Variants in ZFHX3 observed in about 807,000 individuals in gnomAD.
ZFHX3 encodes the protein zinc finger homeobox 3, also known as zinc finger homeobox protein 3.
ZFHX3 carries 42 observed loss-of-function variants against 279.1 expected under a neutral mutation model. That is an observed-to-expected ratio of 0.15 (90% CI 0.12 to 0.19). The LOEUF (loss-of-function observed/expected upper bound fraction) is 0.19. ZFHX3 is among the 10% of genes least tolerant of loss of function. The pLI is 1.00. For synonymous variants in ZFHX3, 2,293 were observed against 1,957.8 expected (o/e 1.17, Z -4.52); for missense variants, 4,981 against 4,754.0 (o/e 1.05, Z -1.40).
chr16:73,833,864 G>A (rs901478634), intron 1 of ZFHX3, among the ~76,000 whole-genome samples: 1 of 150,688 alleles, frequency 6.6e-6, no homozygotes, highest in Admixed American at 6.6e-5. Flanking sequence ...ATTGTATGAT[G>A]TGTGTGTGAT....
intron 1 of ZFHX3, among the ~76,000 whole-genome samples, chr16:73,724,258 C>T (rs77658529): frequency 6.6e-6 from 1 of 152,130 alleles, no homozygotes; most frequent in Non-Finnish European, 1.5e-5. Flanking sequence ...AATTTAAAAC[C>T]TTTACTAGTC....
At chr16:73,033,412 C>A (rs1028066722) in intron 1 of ZFHX3, among the ~76,000 whole-genome samples, 1 of 152,220 alleles carries the variant, frequency 6.6e-6, no homozygotes, top group Non-Finnish European at 1.5e-5. Context: ...CCGCCGCCCC[C>A]CAGCACTGGG....
At chr16:73,879,830 C>A (rs998765816) in intron 1 of ZFHX3, among the ~76,000 whole-genome samples, 1 of 152,052 alleles carries the variant, frequency 6.6e-6, no homozygotes, top group South Asian at 2.1e-4. Context: ...CGCACCCACA[C>A]ACACACACAC....
chr16:73,046,309 A>G (rs1965299389), intron 1 of ZFHX3, among the ~76,000 whole-genome samples: 1 of 152,204 alleles, frequency 6.6e-6, no homozygotes, highest in Non-Finnish European at 1.5e-5. Context: ...GAGTAGCAAG[A>G]GGGATTCAGA....
At chr16:73,500,663 T>TA (rs35306584) in intron 2 of ZFHX3, among the ~76,000 whole-genome samples, 35,913 of 71,240 alleles carry the variant, frequency 0.5, 7,036 homozygotes, top group East Asian at 0.65. Context: ...TTTAAAGAGT[T>TA]AAAAAAAAAA....
chr16:73,769,608 A>C (rs1365816083), intron 1 of ZFHX3, among the ~76,000 whole-genome samples: 1 of 152,184 alleles, frequency 6.6e-6, no homozygotes, highest in African/African-American at 2.4e-5. Flanking sequence ...CCAAAAACCT[A>C]TTACAGCTAA....
At chr16:72,855,120 C>T (rs553304501) in intron 4 of ZFHX3, among the ~76,000 whole-genome samples, 3 of 152,342 alleles carry the variant, frequency 2.0e-5, no homozygotes, top group Admixed American at 6.5e-5. Flanking sequence ...TCCCCATCTT[C>T]AACCTCTCCC....
intron 3 of ZFHX3, among the ~76,000 whole-genome samples, chr16:73,320,237 T>A (rs999596384): frequency 1.3e-5 from 2 of 152,214 alleles, no homozygotes; most frequent in African/African-American, 4.8e-5. Flanking sequence ...CCCATCAGAC[T>A]AATGACCCCT....
chr16:73,405,411 C>T (rs2017339836), intron 3 of ZFHX3, among the ~76,000 whole-genome samples: 1 of 152,088 alleles, frequency 6.6e-6, no homozygotes, highest in African/African-American at 2.4e-5. Flanking sequence ...AAACAGAACC[C>T]AGATCTAATG....
intron 3 of ZFHX3, among the ~76,000 whole-genome samples, chr16:72,908,835 C>T (rs2039250584): frequency 6.6e-6 from 1 of 152,176 alleles, no homozygotes; most frequent in Non-Finnish European, 1.5e-5. Flanking sequence ...AACACTTTGT[C>T]TTTGTAAAGA....
rs530585258 is a variant in ZFHX3 at position 73,023,070 on chromosome 16, A to G, written c.-50+24682T>C. Among the ~76,000 whole-genome samples, 3 of 152,292 alleles carry G rather than the reference A, an allele frequency of 2.0e-5. No homozygotes were observed. In the South Asian group the frequency reaches 6.2e-4, roughly 32 times the overall value. On this transcript the variant is annotated intron_variant, in intron 1 of 9. Transcript: ENST00000268489. ...TGGCAAAACCCCATCTCTACTAAAA[A>G]TAAAAAATTAGCCTGGCGTGGTGGC...
chr16:73,748,345 A>T (rs2053723178), intron 1 of ZFHX3, among the ~76,000 whole-genome samples: 1 of 152,190 alleles, frequency 6.6e-6, no homozygotes, highest in African/African-American at 2.4e-5. Flanking sequence ...ACTTCTATTA[A>T]ATCTTTCTAA....
chr16:73,156,257 T>C (rs1228100944), intron 5 of ZFHX3, among the ~76,000 whole-genome samples: 1 of 143,828 alleles, frequency 7.0e-6, no homozygotes, highest in Non-Finnish European at 1.5e-5. Flanking sequence ...AAAAAGACTA[T>C]ATATAAAGTG....
chr16:73,186,555 GTT>G (rs77914659), intron 5 of ZFHX3, among the ~76,000 whole-genome samples: 47 of 138,318 alleles, frequency 3.4e-4, no homozygotes, highest in African/African-American at 9.0e-4. Context: ...TCCAGGAAAA[GTT>G]TTTTTTTTTT....
At chr16:73,806,017 T>G (rs1332661791) in intron 1 of ZFHX3, among the ~76,000 whole-genome samples, 1 of 152,150 alleles carries the variant, frequency 6.6e-6, no homozygotes, top group Non-Finnish European at 1.5e-5. Context: ...TCAGCAAGCC[T>G]CAGGAAACTT....
chr16:73,863,367 G>C (rs942354217), intron 1 of ZFHX3, among the ~76,000 whole-genome samples: 2 of 152,122 alleles, frequency 1.3e-5, no homozygotes, highest in Non-Finnish European at 2.9e-5. Context: ...TGATCCAGAA[G>C]GGATCAGGAC....
intron 2 of ZFHX3, among the ~76,000 whole-genome samples, chr16:73,478,950 G>A (rs2018816749): frequency 1.3e-5 from 2 of 152,184 alleles, no homozygotes; most frequent in South Asian, 2.1e-4. Flanking sequence ...TACTCAGGAG[G>A]CTGAGGCCGG....
chr16:73,113,162 G>A (rs1292099151), intron 7 of ZFHX3, among the ~76,000 whole-genome samples: 4 of 152,064 alleles, frequency 2.6e-5, no homozygotes, highest in African/African-American at 9.7e-5. Context: ...TCAGAAAGAA[G>A]GAGAGCAGGA....
At chr16:73,624,682 G>A (rs1332350117) in intron 2 of ZFHX3, among the ~76,000 whole-genome samples, 1 of 151,494 alleles carries the variant, frequency 6.6e-6, no homozygotes, top group Non-Finnish European at 1.5e-5. Context: ...GAAATATGCC[G>A]ACTTCATAAA....
Sources: gnomAD v4.1 joint callset for allele counts (sites outside exome capture counted in the v4.1 genomes callset) on GRCh38, gnomAD v4.1.1 for gene constraint, MANE v1.5 for transcripts, NCBI Gene and HGNC (gene_info 2026-07-23, HGNC 2026-07-21) for gene names.